Variants in TUT4 observed in about 807,000 individuals in gnomAD.
The protein encoded by TUT4 is terminal uridylyltransferase 4.
In TUT4, 36 loss-of-function variants were observed where a neutral mutation model predicts 192.2. The observed-to-expected ratio is 0.19, with a 90% confidence interval of 0.14 to 0.25. The LOEUF (loss-of-function observed/expected upper bound fraction) is 0.25. Among genes scored for constraint, TUT4 ranks in the 10% least tolerant of loss-of-function variants. The pLI, the probability that TUT4 is intolerant of heterozygous loss-of-function variation, is 1.00. For synonymous variants in TUT4, 618 were observed against 666.0 expected (o/e 0.93, Z 1.11); for missense variants, 1,493 against 1,957.2 (o/e 0.76, Z 4.47).
chr1:52,483,634 AC>A (rs1378757098), intron 9 of TUT4, among the ~76,000 whole-genome samples: 4 of 151,968 alleles, frequency 2.6e-5, no homozygotes, highest in African/African-American at 9.7e-5. Context: ...ACATAGTGAA[AC>A]CCTGTCTCTA....
At chr1:52,482,234 A>G (rs1158441315) in intron 9 of TUT4, among the ~76,000 whole-genome samples, 5 of 152,182 alleles carry the variant, frequency 3.3e-5, no homozygotes, top group Non-Finnish European at 5.9e-5. Flanking sequence ...TTCAATTAAC[A>G]ACCTTCTATG....
intron 20 of TUT4, among the ~76,000 whole-genome samples, chr1:52,456,620 A>C (rs1661060811): frequency 1.3e-5 from 2 of 152,018 alleles, no homozygotes; most frequent in Non-Finnish European, 2.9e-5. Context: ...TGATTCCAAC[A>C]ATATGATATT....
chr1:52,457,748 CAG>C (rs1038355011), intron 20 of TUT4, among the ~76,000 whole-genome samples: 3 of 152,144 alleles, frequency 2.0e-5, no homozygotes, highest in African/African-American at 7.2e-5. Flanking sequence ...GTACCAATTT[CAG>C]AGAGTATAAA....
chr1:52,459,681 G>C (rs560536505), intron 19 of TUT4, among the ~76,000 whole-genome samples: 105 of 152,178 alleles, frequency 6.9e-4, no homozygotes, highest in African/African-American at 2.4e-3. Context: ...AGGAGTTCAA[G>C]ACCAGCCTGG....
intron 24 of TUT4, among the ~76,000 whole-genome samples, chr1:52,444,525 C>T (rs527282411): frequency 3.3e-5 from 5 of 151,972 alleles, no homozygotes; most frequent in African/African-American, 1.2e-4. Flanking sequence ...ATGGTTAATA[C>T]TGAATGTCAA....
intron 4 of TUT4, among the ~76,000 whole-genome samples, chr1:52,504,133 T>C (rs550722135): frequency 6.6e-6 from 1 of 152,338 alleles, no homozygotes; most frequent in Admixed American, 6.5e-5. Flanking sequence ...AGACACCTTA[T>C]GATCATTCAA....
At chr1:52,445,416 A>C (rs1657250276) in intron 24 of TUT4, among the ~76,000 whole-genome samples, 1 of 152,196 alleles carries the variant, frequency 6.6e-6, no homozygotes, top group Non-Finnish European at 1.5e-5. Context: ...AGGGACAATG[A>C]GCAGCACCTA....
intron 4 of TUT4, among the ~76,000 whole-genome samples, chr1:52,503,904 T>A (rs1281183274): frequency 6.6e-6 from 1 of 152,188 alleles, no homozygotes; most frequent in Non-Finnish European, 1.5e-5. Context: ...CTGTCCTTAC[T>A]CATTTGGTGA....
At chr1:52,500,893 C>T (rs1039445989) in intron 4 of TUT4, among the ~76,000 whole-genome samples, 2 of 151,988 alleles carry the variant, frequency 1.3e-5, no homozygotes, top group African/African-American at 4.8e-5. Context: ...TGACTGTACT[C>T]CAGCCTGGGC....
intron 16 of TUT4, among the ~76,000 whole-genome samples, chr1:52,464,685 C>T (rs1418971236): frequency 6.6e-6 from 1 of 152,132 alleles, no homozygotes; most frequent in Non-Finnish European, 1.5e-5. Context: ...TATAGTAACA[C>T]AAAGACATCA....
intron 1 of TUT4, among the ~76,000 whole-genome samples, chr1:52,537,415 T>C (rs1685231150): frequency 6.6e-6 from 1 of 151,888 alleles, no homozygotes; most frequent in Admixed American, 6.6e-5. Flanking sequence ...TGATAAAAGG[T>C]TCAATCCAGC....
intron 14 of TUT4, among the ~76,000 whole-genome samples, chr1:52,471,430 C>T (rs1052362861): frequency 2.0e-5 from 3 of 152,202 alleles, no homozygotes; most frequent in African/African-American, 7.2e-5. Context: ...ATTGTGTTTA[C>T]ACTGCGTTTT....
intron 16 of TUT4, chr1:52,463,623 A>G (rs972038960): frequency 7.7e-7 from 1 of 1,299,856 alleles, no homozygotes; most frequent in Non-Finnish European, 1.0e-6. Flanking sequence ...ATTTTGAAAC[A>G]TAAATAACAA....
intron 2 of TUT4, among the ~76,000 whole-genome samples, chr1:52,520,858 T>A (rs907258967): frequency 2.0e-5 from 3 of 152,156 alleles, no homozygotes; most frequent in Non-Finnish European, 2.9e-5. Flanking sequence ...AATGACGCGA[T>A]CTCAGCTCAC....
At chr1:52,502,140 A>C (rs966032673) in intron 4 of TUT4, among the ~76,000 whole-genome samples, 1 of 145,734 alleles carries the variant, frequency 6.9e-6, no homozygotes, top group South Asian at 2.2e-4. Context: ...CAATAAAAAA[A>C]TTTCAAAAAA....
chr1:52,519,355 G>A (rs911245692), intron 2 of TUT4, among the ~76,000 whole-genome samples: 1 of 152,104 alleles, frequency 6.6e-6, no homozygotes, highest in East Asian at 1.9e-4. Context: ...GTTGTCAGTG[G>A]GGAGGAGGAG....
At chr1:52,475,770 T>A (rs2148894589) in intron 12 of TUT4, among the ~76,000 whole-genome samples, 1 of 152,058 alleles carries the variant, frequency 6.6e-6, no homozygotes, top group South Asian at 2.1e-4. Context: ...AGACTAATAA[T>A]AAGGTCACTA....
At chr1:52,513,488 A>C (rs1402376873) in intron 3 of TUT4, among the ~76,000 whole-genome samples, 1 of 151,926 alleles carries the variant, frequency 6.6e-6, no homozygotes, top group Admixed American at 6.6e-5. Flanking sequence ...ATTGAAAATA[A>C]GTTTGGAGGG....
intron 2 of TUT4, 149 bp downstream of exon 2, chr1:52,525,414 T>C (rs1681488572): frequency 3.7e-6 from 4 of 1,076,078 alleles, no homozygotes; most frequent in East Asian, 2.7e-5. Flanking sequence ...AAACCATTAA[T>C]GCAAGTATTA....
Sources: allele counts gnomAD v4.1 joint callset (sites outside exome capture counted in the v4.1 genomes callset), GRCh38; gene constraint gnomAD v4.1.1; transcripts MANE v1.5; gene names NCBI Gene and HGNC (gene_info 2026-07-23, HGNC 2026-07-21).